XKRX: variants seen among roughly 807,000 people sequenced by gnomAD.
The protein encoded by XKRX is XK-related protein 2.
A neutral mutation model predicts 22.4 loss-of-function variants in XKRX; 11 were observed. That is an observed-to-expected ratio of 0.49 (90% CI 0.31 to 0.81). The LOEUF (loss-of-function observed/expected upper bound fraction) is 0.81, where lower values mean the gene tolerates loss of function less well. Among genes scored for constraint, XKRX ranks in the 40% least tolerant of loss-of-function variants. The pLI is 0.05. For synonymous variants in XKRX, 114 were observed against 132.2 expected (o/e 0.86, Z 0.94); for missense variants, 320 against 336.5 (o/e 0.95, Z 0.38).
At chrX:100,941,028 A>G in the XKRX span, among the ~76,000 whole-genome samples, 1 of 111,642 alleles carries the variant, frequency 9.0e-6, no homozygotes, top group South Asian at 3.7e-4. Context: ...CACTTACTTT[A>G]TAAGACTCTC....
At chrX:100,934,888 C>G in the XKRX span, among the ~76,000 whole-genome samples, 1 of 111,595 alleles carries the variant, frequency 9.0e-6, no homozygotes, top group Non-Finnish European at 1.9e-5. Flanking sequence ...TTTTATCTGT[C>G]TTTTTAATTA....
intron 1 of XKRX, among the ~76,000 whole-genome samples, chrX:100,926,746 A>C (rs776142232): frequency 8.9e-6 from 1 of 112,149 alleles, no homozygotes; most frequent in South Asian, 3.7e-4. Flanking sequence ...GATTAAGTGC[A>C]TTCTTTCCAC....
chrX:100,950,510 C>G, the XKRX span, among the ~76,000 whole-genome samples: 1 of 112,033 alleles, frequency 8.9e-6, no homozygotes, highest in African/African-American at 3.2e-5. Context: ...TATAGAAGGA[C>G]TGAACACCAC....
At chrX:100,948,929 G>A in the XKRX span, among the ~76,000 whole-genome samples, 10 of 112,661 alleles carry the variant, frequency 8.9e-5, no homozygotes, top group Admixed American at 9.4e-4. Flanking sequence ...TGACAGCAAT[G>A]AGTTGGTGCA....
the XKRX span, among the ~76,000 whole-genome samples, chrX:100,900,886 T>C: frequency 3.8e-5 from 4 of 104,036 alleles, no homozygotes; most frequent in African/African-American, 1.4e-4. Context: ...GCCTCCCGGG[T>C]TCACGCCATT....
downstream of XKRX, chrX:100,910,823 G>T: frequency 1.3e-6 from 1 of 789,982 alleles, no homozygotes; most frequent in South Asian, 2.1e-5. Flanking sequence ...GTTCAAAGAA[G>T]GCAAAGAAAA....
chrX:100,902,126 T>C, the XKRX span, among the ~76,000 whole-genome samples: 3 of 111,018 alleles, frequency 2.7e-5, no homozygotes, highest in Non-Finnish European at 5.7e-5. Flanking sequence ...AACAGAAAGA[T>C]AGCTGAAAAG....
the XKRX span, among the ~76,000 whole-genome samples, chrX:100,945,642 G>A: frequency 2.7e-5 from 3 of 110,007 alleles, no homozygotes; most frequent in African/African-American, 9.9e-5. Flanking sequence ...TGAAATCTCA[G>A]TAGGCTATTT....
At chrX:100,952,230 A>G in the XKRX span, among the ~76,000 whole-genome samples, 1 of 111,294 alleles carries the variant, frequency 9.0e-6, no homozygotes, top group Non-Finnish European at 1.9e-5. Context: ...CAATGTAGAA[A>G]AAGCATTTGA....
chrX:100,904,117 T>G, the XKRX span, among the ~76,000 whole-genome samples: 9 of 111,990 alleles, frequency 8.0e-5, no homozygotes. Context: ...CTGTGTGGTA[T>G]TGGTGAAAGG....
At chrX:100,920,456 G>A (rs770557126) in intron 2 of XKRX, among the ~76,000 whole-genome samples, 16 of 110,887 alleles carry the variant, frequency 1.4e-4, no homozygotes, top group Middle Eastern at 4.7e-3. Flanking sequence ...GATATATACT[G>A]GATGATTAAC....
chrX:100,906,927 T>C, the XKRX span, among the ~76,000 whole-genome samples: 1 of 111,773 alleles, frequency 8.9e-6, no homozygotes, highest in Non-Finnish European at 1.9e-5. Flanking sequence ...CGCATCACCT[T>C]TTCTCTTATA....
chrX:100,949,381 A>T, the XKRX span, among the ~76,000 whole-genome samples: 910 of 86,891 alleles, frequency 0.01, 30 homozygotes, highest in African/African-American at 0.03. Flanking sequence ...TTTTTTTTTG[A>T]GAGAGACGGA....
rs776054268 is a variant in XKRX at position 100,927,572 on chromosome X, A to G, written c.335+398T>C. Among the ~76,000 whole-genome samples, 6 of 111,268 alleles carry G rather than the reference A, an allele frequency of 5.4e-5. No individual in the cohort carries two copies. In the South Asian group the frequency reaches 2.3e-3, roughly 43 times the overall value. On this transcript the variant is annotated intron_variant, in intron 1 of 2. Transcript: ENST00000372956. ...GAGGTTCGCTTGATCCCAGGAGATC[A>G]AGGCTGCAGTGAGCCATGATCGCAC... is the stretch of plus-strand genomic sequence containing the variant.
At chrX:100,888,008 T>C in the XKRX span, 2 of 1,090,273 alleles carry the variant, frequency 1.8e-6, no homozygotes, top group Non-Finnish European at 1.3e-6. Flanking sequence ...CAGAACCACT[T>C]TGACCTCTTT....
At chrX:100,955,288 C>A in the XKRX span, among the ~76,000 whole-genome samples, 1 of 112,200 alleles carries the variant, frequency 8.9e-6, no homozygotes, top group Non-Finnish European at 1.9e-5. Flanking sequence ...TATAGTTACA[C>A]AAGTGATTAC....
the XKRX span, among the ~76,000 whole-genome samples, chrX:100,952,079 A>AAATAAT: frequency 2.7e-5 from 3 of 110,087 alleles, no homozygotes; most frequent in Non-Finnish European, 5.7e-5. Context: ...AAGACAGTAC[A>AAATAAT]AATAATAATA....
chrX:100,891,049 A>G, the XKRX span, among the ~76,000 whole-genome samples: 1 of 111,591 alleles, frequency 9.0e-6, no homozygotes, highest in Non-Finnish European at 1.9e-5. Flanking sequence ...AATGTAGTCA[A>G]CAAATTATAG....
At chrX:100,939,799 C>T in the XKRX span, among the ~76,000 whole-genome samples, 3 of 112,182 alleles carry the variant, frequency 2.7e-5, no homozygotes, top group Admixed American at 2.9e-4. Context: ...ATAGCATCCA[C>T]TGAAAGCTAG....
Sources: allele counts gnomAD v4.1 joint callset (sites outside exome capture counted in the v4.1 genomes callset), GRCh38; gene constraint gnomAD v4.1.1; transcripts MANE v1.5; gene names NCBI Gene and HGNC (gene_info 2026-07-23, HGNC 2026-07-21).